TMTC2: variants seen among roughly 807,000 people sequenced by gnomAD.
TMTC2 encodes the protein transmembrane O-mannosyltransferase targeting cadherins 2, also known as protein O-mannosyl-transferase TMTC2.
TMTC2 carries 43 observed loss-of-function variants against 82.4 expected under a neutral mutation model. The observed-to-expected ratio is 0.52, with a 90% CI of 0.41 to 0.67. The LOEUF is 0.67. TMTC2 is among the 30% of genes least tolerant of loss of function. The pLI is 0.00. For synonymous variants in TMTC2, 408 were observed against 381.9 expected (o/e 1.07, Z -0.80); for missense variants, 919 against 1,012.4 (o/e 0.91, Z 1.25).
chr12:83,108,204 G>A (rs958940523), intron 11 of TMTC2, among the ~76,000 whole-genome samples: 22 of 151,680 alleles, frequency 1.5e-4, no homozygotes, highest in Admixed American at 9.9e-4. Context: ...GGACTAATAC[G>A]GTCTTTAAAT....
At chr12:82,770,995 T>A (rs1331986921) in intron 1 of TMTC2, among the ~76,000 whole-genome samples, 3 of 151,878 alleles carry the variant, frequency 2.0e-5, no homozygotes, top group African/African-American at 7.3e-5. Flanking sequence ...GATCACGAGG[T>A]CAGGAATTTG....
chr12:82,847,695 A>G (rs1413231458), intron 1 of TMTC2, among the ~76,000 whole-genome samples: 1 of 152,066 alleles, frequency 6.6e-6, no homozygotes, highest in Non-Finnish European at 1.5e-5. Context: ...TATCGCAAGG[A>G]CAGAAAACCA....
chr12:82,829,996 C>T (rs930896492), intron 1 of TMTC2, among the ~76,000 whole-genome samples: 3 of 152,120 alleles, frequency 2.0e-5, no homozygotes, highest in African/African-American at 7.2e-5. Context: ...GAGCAGAGGC[C>T]AGATAATCCT....
At chr12:82,761,123 G>A (rs909304455) in intron 1 of TMTC2, among the ~76,000 whole-genome samples, 1 of 152,122 alleles carries the variant, frequency 6.6e-6, no homozygotes, top group Non-Finnish European at 1.5e-5. Context: ...AAACAGTAAG[G>A]AGTGTGGGGT....
intron 11 of TMTC2, among the ~76,000 whole-genome samples, chr12:83,063,083 A>AT (rs778465089): frequency 6.6e-6 from 1 of 151,798 alleles, no homozygotes; most frequent in Non-Finnish European, 1.5e-5. Flanking sequence ...CCAGGAAAAT[A>AT]TTTTTTATAG....
At chr12:82,793,685 A>C (rs555138948) in intron 1 of TMTC2, among the ~76,000 whole-genome samples, 1 of 152,226 alleles carries the variant, frequency 6.6e-6, no homozygotes, top group South Asian at 2.1e-4. Flanking sequence ...GAAATGACTT[A>C]GGAGCTATAT....
At chr12:82,759,447 A>G (rs1021909743) in intron 1 of TMTC2, 1 of 152,230 alleles carries the variant, frequency 6.6e-6, no homozygotes, top group Non-Finnish European at 1.5e-5. Context: ...TCTCTCTATG[A>G]AAAATTTCCA....
intron 2 of TMTC2, among the ~76,000 whole-genome samples, chr12:82,873,212 G>GT (rs1025798690): frequency 3.8e-5 from 4 of 104,504 alleles, no homozygotes; most frequent in African/African-American, 2.2e-4. Flanking sequence ...TTTCAAAGAT[G>GT]TTGTGTGTGT....
chr12:82,790,043 A>C (rs1338656783), intron 1 of TMTC2, among the ~76,000 whole-genome samples: 1 of 151,956 alleles, frequency 6.6e-6, no homozygotes, highest in Non-Finnish European at 1.5e-5. Flanking sequence ...CTCTACAAAA[A>C]CAGAAAAAAT....
chr12:83,102,748 T>C (rs1014174599), intron 11 of TMTC2, among the ~76,000 whole-genome samples: 2 of 152,174 alleles, frequency 1.3e-5, no homozygotes, highest in African/African-American at 4.8e-5. Flanking sequence ...TTCTCTTGAG[T>C]TTGAAAACAT....
rs1885305373 is a variant in TMTC2 at position 83,132,778 on chromosome 12, T to C, written c.*389T>C. ...GGAAGTCAGAGTGTCCATTCAGGCATGGCAAACAATTAGGGTTAAGTGTTA... is the reference window on the plus strand; with the variant it reads ...GGAAGTCAGAGTGTCCATTCAGGCACGGCAAACAATTAGGGTTAAGTGTTA... On this transcript the variant is annotated 3_prime_UTR_variant, in exon 12 of 12. Coordinates refer to ENST00000321196, the MANE Select transcript of TMTC2 (RefSeq NM_152588.3). 1 of 191,402 alleles carries C rather than the reference T, an allele frequency of 5.2e-6. No homozygotes were observed. Among genetic ancestry groups the C allele is most frequent in the African/African-American group, 2.4e-5 (1 of 41,792 alleles). The allele number at this position is 191,402 out of a possible 1,614,324, so 11.9% of individuals were successfully genotyped here.
At chr12:83,130,417 G>A (rs117823190) in intron 11 of TMTC2, among the ~76,000 whole-genome samples, 11 of 152,178 alleles carry the variant, frequency 7.2e-5, no homozygotes, top group African/African-American at 1.9e-4. Flanking sequence ...TATTTGGATC[G>A]GTGTTTAAAA....
rs566281493 is a variant in TMTC2, at chr12:83,030,954, G to A, written c.2152+75G>A. ...GTTGATATGAGATCTAGGCTTTGCT[G>A]GCAAAGAACATTTTAAGAGGAGATG... On this transcript the variant is annotated intron_variant, in intron 9 of 11. Transcript: ENST00000321196. The A allele has an allele frequency of 1.4e-5, 15 of 1,108,414 alleles. No homozygotes were observed. The African/African-American group carries it at 1.5e-4, about 11-fold the overall frequency. 68.7% of individuals were successfully genotyped at this position (1,108,414 alleles called of 1,614,324 possible). A position where few individuals can be genotyped will look rare whatever the true frequency, so the allele number is the denominator to read the frequency against.
chr12:82,735,604 C>T (rs1555180689), intron 1 of TMTC2, among the ~76,000 whole-genome samples: 3 of 151,678 alleles, frequency 2.0e-5, no homozygotes, highest in Non-Finnish European at 1.5e-5. Flanking sequence ...CTTGGCCTCC[C>T]AAAGTGCTGG....
intron 2 of TMTC2, among the ~76,000 whole-genome samples, chr12:82,864,081 A>C (rs1378140225): frequency 6.6e-6 from 1 of 152,142 alleles, no homozygotes; most frequent in Non-Finnish European, 1.5e-5. Flanking sequence ...GTACAGCATG[A>C]GCATTACACA....
chr12:82,889,568 T>TA (rs1253697622), intron 2 of TMTC2, among the ~76,000 whole-genome samples: 3 of 152,048 alleles, frequency 2.0e-5, no homozygotes, highest in African/African-American at 7.2e-5. Flanking sequence ...TACACTTAAA[T>TA]AAAAAATAAA....
At chr12:83,120,198 T>G (rs1014033484) in intron 11 of TMTC2, among the ~76,000 whole-genome samples, 2 of 152,176 alleles carry the variant, frequency 1.3e-5, no homozygotes, top group East Asian at 3.9e-4. Flanking sequence ...CGTACTTTGT[T>G]TTTGTTTTTT....
chr12:82,780,831 A>G (rs1366016185), intron 1 of TMTC2, among the ~76,000 whole-genome samples: 3 of 148,076 alleles, frequency 2.0e-5, no homozygotes, highest in Non-Finnish European at 4.5e-5. Flanking sequence ...ATTTGGCTTA[A>G]TGAGCTTTCT....
chr12:83,105,431 G>A (rs1226727504), intron 11 of TMTC2, among the ~76,000 whole-genome samples: 2 of 152,160 alleles, frequency 1.3e-5, no homozygotes, highest in Non-Finnish European at 2.9e-5. Flanking sequence ...AGTTCTGCAG[G>A]CTGTATGGAA....
Sources: allele counts gnomAD v4.1 joint callset (sites outside exome capture counted in the v4.1 genomes callset), GRCh38; gene constraint gnomAD v4.1.1; transcripts MANE v1.5; gene names NCBI Gene and HGNC (gene_info 2026-07-23, HGNC 2026-07-21).